Variants in SH3D19 observed in about 807,000 individuals in gnomAD.
The protein encoded by SH3D19 is SH3 domain-containing protein 19.
SH3D19 carries 58 observed loss-of-function variants against 112.1 expected under a neutral mutation model. That is an observed-to-expected ratio of 0.52 (90% CI 0.42 to 0.64). The LOEUF is 0.64. SH3D19 is among the 30% of genes least tolerant of loss of function. The pLI is 0.00. For synonymous variants in SH3D19, 391 were observed against 448.5 expected, an observed-to-expected ratio of 0.87 and a Z score of 1.62; for missense variants, 1,090 against 1,263.4, an observed-to-expected ratio of 0.86 and a Z score of 2.08.
intron 1 of SH3D19, among the ~76,000 whole-genome samples, chr4:151,271,042 GC>G (rs373143826): frequency 3.3e-5 from 5 of 152,188 alleles, no homozygotes; most frequent in African/African-American, 7.2e-5. Context: ...TCCCACCTCA[GC>G]CTCCTGAGTA....
rs1314965965 is a variant in SH3D19 at position 151,215,609 on chromosome 4, C to T, written c.152+10438G>A. 2.0e-5 allele frequency among the ~76,000 whole-genome samples: 3 copies of T among 152,162 alleles called. No individual in the cohort carries two copies. In the East Asian group the frequency reaches 5.8e-4, roughly 29 times the overall value. On this transcript the variant is annotated intron_variant, in intron 2 of 19. Transcript: ENST00000604030. ...AGGATTCCTGCCTTAAATGTTGCTG[C>T]ATTTAGAAGTGTTGCAAAAGAGCTG... is the stretch of plus-strand genomic sequence containing the variant.
At chr4:151,299,580 C>CAAAAA (rs369585943) in intron 1 of SH3D19, among the ~76,000 whole-genome samples, 6 of 92,752 alleles carry the variant, frequency 6.5e-5, no homozygotes, top group Non-Finnish European at 1.0e-4. Context: ...AACTCCGTCT[C>CAAAAA]AAAAAAAAAA....
rs145982965 is a variant in SH3D19 at position 151,290,030 on chromosome 4, T to C, written c.112+35211A>G. 6.2e-3 allele frequency among the ~76,000 whole-genome samples: 940 copies of C among 152,314 alleles called. 50 individuals carry two copies. The highest frequency in any genetic ancestry group is 0.056 in the Admixed American group (851 of 15,292). ...AGTGCAGTGGTAGGATCATAGTTCA[T>C]TGTAAACATGGCTCAAGCAATACTT... On this transcript the variant is annotated intron_variant, in intron 1 of 19. Transcript: ENST00000604030.
chr4:151,198,421 A>C (rs1763880665), intron 2 of SH3D19, among the ~76,000 whole-genome samples: 1 of 143,644 alleles, frequency 7.0e-6, no homozygotes, highest in South Asian at 2.1e-4. Flanking sequence ...ATTATATAAA[A>C]TATATATTAT....
chr4:151,134,971 G>C (rs980062273), intron 15 of SH3D19, 103 bp downstream of exon 15: 1 of 922,514 alleles, frequency 1.1e-6, no homozygotes. Context: ...ACAGGTCTGA[G>C]CCACCATGCC....
At chr4:151,249,886 T>C (rs1028300641) in intron 1 of SH3D19, among the ~76,000 whole-genome samples, 4 of 152,200 alleles carry the variant, frequency 2.6e-5, no homozygotes, top group Non-Finnish European at 4.4e-5. Flanking sequence ...TAAAATATAT[T>C]CCTATTTTCT....
intron 1 of SH3D19, among the ~76,000 whole-genome samples, chr4:151,269,439 G>T (rs1460485783): frequency 1.3e-5 from 2 of 152,080 alleles, no homozygotes; most frequent in African/African-American, 2.4e-5. Context: ...AGAAGCTCTT[G>T]AGTTTAGTTA....
intron 1 of SH3D19, among the ~76,000 whole-genome samples, chr4:151,292,435 AGCTGAGG>A (rs1775406358): frequency 6.6e-6 from 1 of 152,210 alleles, no homozygotes; most frequent in Non-Finnish European, 1.5e-5. Context: ...TGATCTCAAG[AGCTGAGG>A]TCTTGGGTTT....
At chr4:151,316,550 CAAAA>C (rs1730000377) in intron 1 of SH3D19, among the ~76,000 whole-genome samples, 1 of 151,704 alleles carries the variant, frequency 6.6e-6, no homozygotes, top group Non-Finnish European at 1.5e-5. Flanking sequence ...TTCTGTTACT[CAAAA>C]AATATTCTAA....
chr4:151,226,173 G>C (rs1768962581), intron 1 of SH3D19, 87 bp from the exon 2 acceptor site: 1 of 1,230,090 alleles, frequency 8.1e-7, no homozygotes, highest in Middle Eastern at 3.1e-4. Flanking sequence ...CATACCATTA[G>C]ATTTCACAAA....
intron 3 of SH3D19, among the ~76,000 whole-genome samples, chr4:151,185,040 GTTT>G (rs66567240): frequency 0.032 from 2,129 of 66,414 alleles, 69 homozygotes; most frequent in Non-Finnish European, 0.04. Context: ...GCTGTGTCCT[GTTT>G]TTTTTTTTTT....
chr4:151,217,237 G>C (rs1260002995), intron 2 of SH3D19, among the ~76,000 whole-genome samples: 3 of 152,122 alleles, frequency 2.0e-5, no homozygotes, highest in Admixed American at 6.5e-5. Flanking sequence ...AAAGAGAACA[G>C]CTAAAACAAG....
At chr4:151,124,220 C>T (rs1748665881) in intron 19 of SH3D19, among the ~76,000 whole-genome samples, 1 of 151,982 alleles carries the variant, frequency 6.6e-6, no homozygotes, top group Non-Finnish European at 1.5e-5. Context: ...GATTCTCCTG[C>T]CTCAGCCTCC....
chr4:151,279,795 G>C (rs1323663705), intron 1 of SH3D19: 2 of 1,613,772 alleles, frequency 1.2e-6, no homozygotes, highest in Non-Finnish European at 1.7e-6. Flanking sequence ...TCTTTCTCTA[G>C]TGTGTGGGCA....
chr4:151,125,868 AAAGG>A (rs1346147613), intron 19 of SH3D19, among the ~76,000 whole-genome samples: 6 of 140,598 alleles, frequency 4.3e-5, no homozygotes, highest in African/African-American at 1.1e-4. Context: ...AAAAAAAAAG[AAAGG>A]AAGGAAGAAT....
At chr4:151,319,989 T>G (rs1032542743) in intron 1 of SH3D19, among the ~76,000 whole-genome samples, 2 of 152,202 alleles carry the variant, frequency 1.3e-5, no homozygotes, top group African/African-American at 4.8e-5. Context: ...GGACTGTGGA[T>G]AAGTTGCTTA....
chr4:151,120,724 A>G lies in SH3D19; in HGVS notation c.*1367T>C, dbSNP rs1000708783. ...CAGAACTCCAGGTTGTAGTCACGTAAAAGTGTGGCCACTTGTTGCTTAACT... is the reference window on the plus strand; with the variant it reads ...CAGAACTCCAGGTTGTAGTCACGTAGAAGTGTGGCCACTTGTTGCTTAACT... On this transcript the variant is annotated 3_prime_UTR_variant, in exon 20 of 20. Transcript: ENST00000604030. 1.3e-5 allele frequency: 2 copies of G among 152,416 alleles called. No homozygotes were observed. Among genetic ancestry groups the G allele is most frequent in the African/African-American group, 4.8e-5 (2 of 41,452 alleles). 9.4% of individuals were successfully genotyped at this position (152,416 alleles called of 1,614,324 possible).
intron 1 of SH3D19, among the ~76,000 whole-genome samples, chr4:151,325,034 T>C (rs1327484871): frequency 6.6e-6 from 1 of 152,180 alleles, no homozygotes; most frequent in Non-Finnish European, 1.5e-5. Flanking sequence ...CACTAGCAGT[T>C]AAAGACGGGT....
intron 1 of SH3D19, among the ~76,000 whole-genome samples, chr4:151,258,459 GGGCAGGTCCCTGAGATGT>G (rs1392594851): frequency 7.2e-5 from 11 of 152,324 alleles, no homozygotes; most frequent in Middle Eastern, 3.4e-3. Flanking sequence ...GGGCACACCA[GGGCAGGTCCCTGAGATGT>G]GGCAGTTTAG....
Sources: gnomAD v4.1 joint callset for allele counts (sites outside exome capture counted in the v4.1 genomes callset) on GRCh38, gnomAD v4.1.1 for gene constraint, MANE v1.5 for transcripts, NCBI Gene and HGNC (gene_info 2026-07-23, HGNC 2026-07-21) for gene names.